Variants in ST3GAL5 observed in about 807,000 individuals in gnomAD.
ST3GAL5 encodes lactosylceramide alpha-2,3-sialyltransferase.
Under a neutral mutation model 46.1 loss-of-function variants are expected in ST3GAL5, and 25 were observed. The ratio of observed to expected loss-of-function variants is 0.54; its 90% confidence interval spans 0.40 to 0.76. The LOEUF is 0.76. Among genes scored for constraint, ST3GAL5 ranks in the 30% least tolerant of loss-of-function variants. The pLI, the probability that ST3GAL5 is intolerant of heterozygous loss-of-function variation, is 0.00. For missense variants in ST3GAL5, 431 were observed against 521.2 expected (o/e 0.83, Z 1.69); for synonymous variants, 182 against 192.7 (o/e 0.94, Z 0.46).
chr2:85,888,708 C>A, intron 1 of ST3GAL5, 116 bp downstream of exon 1: 3 of 808,916 alleles, frequency 3.7e-6, no homozygotes, highest in Non-Finnish European at 4.8e-6. Context: ...TGGGCGCTGC[C>A]CGCGGGGTTC....
At chr2:85,869,897 G>C (rs1219325274) in intron 1 of ST3GAL5, among the ~76,000 whole-genome samples, 5 of 152,076 alleles carry the variant, frequency 3.3e-5, no homozygotes, top group Admixed American at 6.5e-5. Flanking sequence ...AGAGACACAG[G>C]GTGTCACAAA....
chr2:85,863,127 G>A (rs1175121157), intron 2 of ST3GAL5, among the ~76,000 whole-genome samples: 1 of 152,238 alleles, frequency 6.6e-6, no homozygotes, highest in Non-Finnish European at 1.5e-5. Context: ...CCAAGGTAGA[G>A]AGCCTGAGCA....
rs148388895 is a variant in ST3GAL5, at chr2:85,837,744, A to C, written c.*2400T>G. On this transcript the variant is annotated 3_prime_UTR_variant, in exon 7 of 7. Transcript: ENST00000638572. Reference sequence around the variant, plus strand: ...TTAAAATTAAAAAACCCTAAAACTGAAATTTTCTGCAGCTCAAAGTTCTAG... The same window carrying C: ...TTAAAATTAAAAAACCCTAAAACTGCAATTTTCTGCAGCTCAAAGTTCTAG... 5.3e-5 allele frequency: 8 copies of C among 152,320 alleles called. No homozygotes were observed. The highest frequency in any genetic ancestry group is 1.7e-4 in the African/African-American group (7 of 41,576). 9.4% of individuals were successfully genotyped at this position (152,320 alleles called of 1,614,324 possible). A position where few individuals can be genotyped will look rare whatever the true frequency, so the allele number is the denominator to read the frequency against.
chr2:85,866,700 C>G (rs938372510), intron 1 of ST3GAL5, among the ~76,000 whole-genome samples: 4 of 152,244 alleles, frequency 2.6e-5, no homozygotes, highest in African/African-American at 9.6e-5. Flanking sequence ...CCACATCCAT[C>G]CCTGGGCACG....
Position 85,863,410 on chromosome 2 carries a change from G to T in ST3GAL5, c.158C>A (p.Ala53Asp). The change falls in exon 2 of 7, where the codon GCT (alanine) becomes GAT (aspartate). Residue 53 changes from alanine to aspartate, a missense_variant. By Grantham distance (126) the Ala-to-Asp change is moderately radical (BLOSUM62 -2). Transcript: ENST00000638572. Reference protein sequence around the residue: ...SRPSLQWYTRAQSKMRRPSLL... With the variant: ...SRPSLQWYTRDQSKMRRPSLL... ...GCTGGGCCTTCTCATCTTGCTTTGA[G>T]CTCGGGTGTACCATTGCAGGGAAGG... is the stretch of plus-strand genomic sequence containing the variant. The T allele has an allele frequency of 3.1e-6, 5 of 1,614,206 alleles. No homozygotes were observed. The highest frequency in any genetic ancestry group is 4.2e-6 in the Non-Finnish European group (5 of 1,180,030).
chr2:85,846,267 T>C (rs372131685), intron 5 of ST3GAL5, 110 bp downstream of exon 5: 9 of 967,914 alleles, frequency 9.3e-6, no homozygotes, highest in South Asian at 2.9e-5. Flanking sequence ...AGACAACACA[T>C]AAGTATGCAT....
At chr2:85,859,867 A>G (rs1341430227) in intron 3 of ST3GAL5, among the ~76,000 whole-genome samples, 1 of 152,196 alleles carries the variant, frequency 6.6e-6, no homozygotes, top group African/African-American at 2.4e-5. Context: ...CACCATTACT[A>G]AGTGGCAGTT....
chr2:85,844,171 A>G (rs1682480339), intron 6 of ST3GAL5, among the ~76,000 whole-genome samples: 1 of 152,206 alleles, frequency 6.6e-6, no homozygotes, highest in Non-Finnish European at 1.5e-5. Context: ...TTCAAGTGTT[A>G]ATGTGCTGCC....
At chr2:85,859,827 CAAAA>C (rs2104045580) in intron 3 of ST3GAL5, among the ~76,000 whole-genome samples, 1 of 152,316 alleles carries the variant, frequency 6.6e-6, no homozygotes, top group Non-Finnish European at 1.5e-5. Context: ...AACTGGGACT[CAAAA>C]CAATCAAGTC....
intron 3 of ST3GAL5, chr2:85,854,000 A>T (rs1683828245): frequency 6.6e-6 from 1 of 152,250 alleles, no homozygotes; most frequent in African/African-American, 2.4e-5. Flanking sequence ...CACCATAATT[A>T]TAGCAGGCTT....
Position 85,840,054 on chromosome 2 carries a change from A to G in ST3GAL5, c.*90T>C. On this transcript the variant is annotated 3_prime_UTR_variant, in exon 7 of 7. Transcript: ENST00000638572. Reference sequence around the variant, plus strand: ...GTTAAAAACATGAGCTGCACTTCAAAGTATCTGCAGGATGGAGAAATACAT... The same window carrying G: ...GTTAAAAACATGAGCTGCACTTCAAGGTATCTGCAGGATGGAGAAATACAT... 2 of 1,587,966 alleles carry G rather than the reference A, an allele frequency of 1.3e-6. No individual in the cohort carries two copies. Among genetic ancestry groups the G allele is most frequent in the Non-Finnish European group, 1.7e-6 (2 of 1,159,172 alleles).
At chr2:85,851,355 C>T (rs10496320) in intron 3 of ST3GAL5, 238,682 of 1,173,804 alleles carry the variant, frequency 0.2, 25,584 homozygotes, top group South Asian at 0.31. Context: ...ACGTCTAAAG[C>T]CACAGCAATT....
chr2:85,855,410 G>A (rs1458477335), intron 3 of ST3GAL5: 1 of 152,116 alleles, frequency 6.6e-6, no homozygotes, highest in Non-Finnish European at 1.5e-5. Flanking sequence ...CCAGTCTTAG[G>A]TATGTCTTTA....
rs1274906365 is a variant in ST3GAL5, at chr2:85,838,853, A to C, written c.*1291T>G. On this transcript the variant is annotated 3_prime_UTR_variant, in exon 7 of 7. Coordinates refer to ENST00000638572, the MANE Select transcript of ST3GAL5 (RefSeq NM_003896.4). Reference sequence around the variant, plus strand: ...TGGAGAACAGCGATGGCGGCAGCCGAGTCTGGGGCAGGCTGGGAACAGAGT... The same window carrying C: ...TGGAGAACAGCGATGGCGGCAGCCGCGTCTGGGGCAGGCTGGGAACAGAGT... 1 of 152,346 alleles carries C rather than the reference A, an allele frequency of 6.6e-6. No homozygotes were observed. The highest frequency in any genetic ancestry group is 2.4e-5 in the African/African-American group (1 of 41,456). 9.4% of individuals were successfully genotyped at this position (152,346 alleles called of 1,614,324 possible). A position where few individuals can be genotyped will look rare whatever the true frequency, so the allele number is the denominator to read the frequency against.
At chr2:85,881,993 T>C (rs916882103) in intron 1 of ST3GAL5, among the ~76,000 whole-genome samples, 1 of 152,208 alleles carries the variant, frequency 6.6e-6, no homozygotes, top group African/African-American at 2.4e-5. Context: ...AGAGTCCCCA[T>C]GCTGTGTGCA....
intron 6 of ST3GAL5, among the ~76,000 whole-genome samples, chr2:85,840,715 G>A (rs763053819): frequency 4.6e-5 from 7 of 152,054 alleles, no homozygotes; most frequent in Admixed American, 2.0e-4. Flanking sequence ...GGAGGCCGAG[G>A]TGGGCGGATC....
intron 3 of ST3GAL5, chr2:85,852,962 C>CAGGG: frequency 7.7e-7 from 1 of 1,304,262 alleles, no homozygotes; most frequent in Non-Finnish European, 1.0e-6. Flanking sequence ...AATGCTTCAG[C>CAGGG]AGGGAGGGCC....
rs531309731 is a variant in ST3GAL5 at position 85,838,397 on chromosome 2, T to G, written c.*1747A>C. ...GCTTCTCCAATAACCCCCTGAGGGA[T>G]GTAGGGGTGGAGCTGTGTGGTGTAA... is the stretch of plus-strand genomic sequence containing the variant. On this transcript the variant is annotated 3_prime_UTR_variant, in exon 7 of 7. Transcript: ENST00000638572. The G allele has an allele frequency of 6.6e-6, 1 of 152,112 alleles. No individual in the cohort carries two copies. Among genetic ancestry groups the G allele is most frequent in the Non-Finnish European group, 1.5e-5 (1 of 68,022 alleles). The allele number at this position is 152,112 out of a possible 1,614,324, so 9.4% of individuals were successfully genotyped here.
intron 1 of ST3GAL5, chr2:85,880,949 G>A (rs1220190385): frequency 1.9e-6 from 1 of 517,042 alleles, no homozygotes; most frequent in Non-Finnish European, 3.9e-6. Context: ...GTGTATGTGT[G>A]ATATGGTTTG....
Sources: allele counts gnomAD v4.1 joint callset (sites outside exome capture counted in the v4.1 genomes callset), GRCh38; gene constraint gnomAD v4.1.1; transcripts MANE v1.5; gene names NCBI Gene and HGNC (gene_info 2026-07-23, HGNC 2026-07-21).